The following KCNMA1 variants were observed in gnomAD, a reference collection of about 807,000 sequenced individuals.
KCNMA1 encodes the protein Calcium-activated potassium channel subunit alpha-1.
KCNMA1 carries 29 observed loss-of-function variants against 140.0 expected under a neutral mutation model. The observed-to-expected ratio is 0.21, with a 90% CI of 0.15 to 0.28. KCNMA1 has a LOEUF of 0.28. KCNMA1 is among the 10% of genes least tolerant of loss of function. The pLI is 1.00. For missense variants in KCNMA1, 880 were observed against 1,602.2 expected (o/e 0.55, Z 7.70); for synonymous variants, 612 against 611.9 (o/e 1.00, Z 0.00).
At chr10:77,480,223 C>A (rs1184147838) in intron 1 of KCNMA1, among the ~76,000 whole-genome samples, 3 of 152,236 alleles carry the variant, frequency 2.0e-5, no homozygotes, top group African/African-American at 7.2e-5. Context: ...GTGTCCTTCA[C>A]TTGCCACCAG....
intron 15 of KCNMA1, among the ~76,000 whole-genome samples, chr10:77,035,171 G>A (rs914760398): frequency 1.2e-4 from 19 of 152,266 alleles, no homozygotes; most frequent in African/African-American, 4.1e-4. Context: ...GGAAAATCTC[G>A]GAGACCTAGG....
At chr10:77,073,003 C>T (rs1056300445) in intron 14 of KCNMA1, 94 bp downstream of exon 14, 10 of 1,234,814 alleles carry the variant, frequency 8.1e-6, no homozygotes, top group Admixed American at 1.7e-5. Flanking sequence ...GGTTAGAGCC[C>T]GTCGATCTGT....
chr10:77,090,296 C>A, intron 10 of KCNMA1, 104 bp downstream of exon 10: 1 of 838,990 alleles, frequency 1.2e-6, no homozygotes. Flanking sequence ...CTGGCCCCAT[C>A]CCCAGTGCCA....
chr10:77,372,256 A>AATCATTCCC (rs2094785113), intron 2 of KCNMA1, among the ~76,000 whole-genome samples: 2 of 152,272 alleles, frequency 1.3e-5, no homozygotes, highest in African/African-American at 4.8e-5. Context: ...CTCCAAAAGG[A>AATCATTCCC]CTAGAATTTG....
intron 20 of KCNMA1, among the ~76,000 whole-genome samples, chr10:76,960,625 T>G (rs1032002497): frequency 1.6e-4 from 22 of 140,696 alleles, no homozygotes; most frequent in South Asian, 6.6e-4. Context: ...TTTGTTTTTT[T>G]TTTTTTTTTT....
intron 16 of KCNMA1, among the ~76,000 whole-genome samples, chr10:77,026,663 G>C (rs990055099): frequency 5.3e-5 from 8 of 152,126 alleles, no homozygotes; most frequent in Non-Finnish European, 1.2e-4. Flanking sequence ...CTTCCTTTTG[G>C]TTGATTTGGG....
chr10:76,954,269 G>GCACACACACA (rs10663230), intron 20 of KCNMA1, among the ~76,000 whole-genome samples: 8 of 141,196 alleles, frequency 5.7e-5, no homozygotes, highest in Admixed American at 2.1e-4. Context: ...TCCCCAGCGT[G>GCACACACACA]CACACACACA....
chr10:77,145,109 C>T (rs916068842), intron 5 of KCNMA1, among the ~76,000 whole-genome samples: 3 of 152,098 alleles, frequency 2.0e-5, no homozygotes, highest in Admixed American at 6.5e-5. Flanking sequence ...ATAAAAACCC[C>T]ACCTATCTCC....
intron 2 of KCNMA1, among the ~76,000 whole-genome samples, chr10:77,341,557 C>A (rs2090930470): frequency 6.6e-6 from 1 of 152,218 alleles, no homozygotes; most frequent in Non-Finnish European, 1.5e-5. Flanking sequence ...CCTTCCCAGG[C>A]TCTCAGTCAC....
At chr10:77,013,437 A>G (rs1191715796) in intron 17 of KCNMA1, among the ~76,000 whole-genome samples, 1 of 152,216 alleles carries the variant, frequency 6.6e-6, no homozygotes, top group Non-Finnish European at 1.5e-5. Flanking sequence ...AATTAAAAAA[A>G]AAATAAAAAG....
At chr10:77,395,006 A>T (rs529515771) in intron 2 of KCNMA1, among the ~76,000 whole-genome samples, 1 of 152,342 alleles carries the variant, frequency 6.6e-6, no homozygotes, top group Non-Finnish European at 1.5e-5. Flanking sequence ...TTTGAATTTC[A>T]TATAGCTTTC....
At chr10:77,603,680 A>G (rs1033392702) in intron 1 of KCNMA1, among the ~76,000 whole-genome samples, 1 of 152,090 alleles carries the variant, frequency 6.6e-6, no homozygotes, top group African/African-American at 2.4e-5. Flanking sequence ...CACAGCAGAA[A>G]GCACCTCCCT....
intron 1 of KCNMA1, among the ~76,000 whole-genome samples, chr10:77,529,882 A>G (rs1291845388): frequency 6.6e-6 from 1 of 152,092 alleles, no homozygotes; most frequent in Non-Finnish European, 1.5e-5. Context: ...AGTCTCCGCT[A>G]CTTTCTTCAA....
intron 14 of KCNMA1, among the ~76,000 whole-genome samples, chr10:77,062,729 G>A (rs1396690440): frequency 6.6e-6 from 1 of 152,184 alleles, no homozygotes; most frequent in African/African-American, 2.4e-5. Context: ...GTTTTTCATG[G>A]TTGAGGGGAA....
At chr10:77,085,442 G>A (rs983668859) in intron 11 of KCNMA1, among the ~76,000 whole-genome samples, 3 of 152,096 alleles carry the variant, frequency 2.0e-5, no homozygotes, top group African/African-American at 4.8e-5. Flanking sequence ...TTAGGTCCAC[G>A]AACAATAACA....
At chr10:77,209,635 A>C (rs1028955093) in intron 3 of KCNMA1, among the ~76,000 whole-genome samples, 6 of 152,186 alleles carry the variant, frequency 3.9e-5, no homozygotes, top group African/African-American at 1.4e-4. Flanking sequence ...GGCTCTTCGA[A>C]AGAATATACA....
intron 2 of KCNMA1, among the ~76,000 whole-genome samples, chr10:77,394,049 G>T (rs1566543721): frequency 6.6e-6 from 1 of 152,224 alleles, no homozygotes; most frequent in East Asian, 1.9e-4. Flanking sequence ...AATGGACATA[G>T]ATGGATGGGC....
At position 77,039,585 on chromosome 10, in the gene KCNMA1, A is replaced by C; in HGVS notation, c.1802T>G (p.Met601Arg). The C allele has an allele frequency of 6.2e-7, 1 of 1,613,138 alleles. No homozygotes were observed. Among genetic ancestry groups the C allele is most frequent in the Non-Finnish European group, 8.5e-7 (1 of 1,179,134 alleles). Residue 601 changes from methionine to arginine, a missense_variant, in exon 15 of 28, where the codon ATG (methionine) becomes AGG (arginine). Physicochemically the swap from Met to Arg is moderately conservative, Grantham distance 91. Transcript: ENST00000286628. ...KYYLEGVSNEMYTEYLSSAFV... is the reference protein window; with the variant it reads ...KYYLEGVSNERYTEYLSSAFV... ...GGCACTGGAGAGATATTCTGTGTAC[A>C]TTTCATTTGAGACTCCTTCCAAGTA...
intron 1 of KCNMA1, among the ~76,000 whole-genome samples, chr10:77,486,700 G>GAGA (rs908310136): frequency 3.9e-4 from 59 of 152,362 alleles, no homozygotes; most frequent in Admixed American, 1.4e-3. Flanking sequence ...CAGGGAGGAT[G>GAGA]AGAGGGTGTG....
Sources: allele counts gnomAD v4.1 joint callset (sites outside exome capture counted in the v4.1 genomes callset), GRCh38; gene constraint gnomAD v4.1.1; transcripts MANE v1.5; gene names NCBI Gene and HGNC (gene_info 2026-07-23, HGNC 2026-07-21).